The following FASTKD1 variants were observed in gnomAD, a reference collection of about 807,000 sequenced individuals.
FASTKD1 encodes FAST kinase domain-containing protein 1, mitochondrial.
In FASTKD1, 94 loss-of-function variants were observed where a neutral mutation model predicts 90.9. The observed-to-expected ratio is 1.03, with a 90% CI of 0.88 to 1.23. The LOEUF is 1.23. Among genes scored for constraint, FASTKD1 ranks in the 50% most tolerant of loss-of-function variants. The probability of loss-of-function intolerance (pLI) is 0.00; values close to 1 mark genes in which losing one functional copy is unlikely to be tolerated. For synonymous variants in FASTKD1, 319 were observed against 345.8 expected (o/e 0.92, Z 0.86); for missense variants, 945 against 993.5 (o/e 0.95, Z 0.66).
At chr2:169,565,712 G>A (rs946126003) in intron 3 of FASTKD1, among the ~76,000 whole-genome samples, 2 of 152,188 alleles carry the variant, frequency 1.3e-5, no homozygotes, top group Admixed American at 1.3e-4. Flanking sequence ...CCCAGGCAGT[G>A]GGATTACTGG....
At chr2:169,571,320 T>G (rs1234533353) in intron 2 of FASTKD1, 1 of 159,526 alleles carries the variant, frequency 6.3e-6, no homozygotes, top group African/African-American at 2.4e-5. Context: ...TCCCAGCATT[T>G]TGGGAGGCCG....
intron 13 of FASTKD1, chr2:169,530,971 G>C (rs1393088334): frequency 1.5e-6 from 1 of 675,762 alleles, no homozygotes; most frequent in Admixed American, 1.8e-5. Context: ...ACCACTGTGA[G>C]GGGTACAAAT....
At chr2:169,569,287 C>T (rs1684131667) in intron 2 of FASTKD1, 35 bp from the exon 3 acceptor site, 1 of 1,582,128 alleles carries the variant, frequency 6.3e-7, no homozygotes, top group Non-Finnish European at 8.7e-7. Flanking sequence ...CATACATAAT[C>T]ATTTTAAAAT....
intron 13 of FASTKD1, 149 bp from the exon 14 acceptor site, chr2:169,530,850 T>A (rs1417178374): frequency 1.2e-5 from 8 of 646,926 alleles, no homozygotes; most frequent in Non-Finnish European, 2.2e-5. Context: ...TACTAAGAAA[T>A]TAGTAATTGA....
At chr2:169,556,523 G>A (rs1317923320) in intron 6 of FASTKD1, among the ~76,000 whole-genome samples, 1 of 151,580 alleles carries the variant, frequency 6.6e-6, no homozygotes, top group East Asian at 1.9e-4. Context: ...GAGGTCAGGA[G>A]TTCAAGACCA....
chr2:169,556,707 C>G (rs928500265), intron 6 of FASTKD1, among the ~76,000 whole-genome samples: 1 of 152,048 alleles, frequency 6.6e-6, no homozygotes, highest in Non-Finnish European at 1.5e-5. Flanking sequence ...CGCCTGTAAT[C>G]CGGGCTACTC....
chr2:169,532,015 T>G (rs150784177), intron 12 of FASTKD1, among the ~76,000 whole-genome samples: 5 of 152,252 alleles, frequency 3.3e-5, no homozygotes, highest in African/African-American at 9.6e-5. Context: ...ATTTAGGCAA[T>G]GAGTGATCAT....
At chr2:169,553,586 A>G (rs966921741) in intron 7 of FASTKD1, among the ~76,000 whole-genome samples, 1 of 152,212 alleles carries the variant, frequency 6.6e-6, no homozygotes, top group African/African-American at 2.4e-5. Context: ...TATAATAAAA[A>G]TCATTTTCAA....
intron 12 of FASTKD1, among the ~76,000 whole-genome samples, chr2:169,532,460 C>T (rs1684533992): frequency 6.6e-6 from 1 of 150,750 alleles, no homozygotes; most frequent in African/African-American, 2.4e-5. Context: ...TGTGTGCCTC[C>T]TGAGAGGATG....
chr2:169,536,705 A>G lies in FASTKD1; in HGVS notation c.2188+522T>C, dbSNP rs910542286. ...TATTGCCATCAACGTAAGCTAGTCCACCAGCTTTATGTGATCCACAATTCA... is the reference window on the plus strand; with the variant it reads ...TATTGCCATCAACGTAAGCTAGTCCGCCAGCTTTATGTGATCCACAATTCA... On this transcript the variant is annotated intron_variant, in intron 12 of 14. Coordinates refer to ENST00000453153, the MANE Select transcript of FASTKD1 (RefSeq NM_024622.6). 5.3e-5 allele frequency among the ~76,000 whole-genome samples: 8 copies of G among 152,206 alleles called. No individual in the cohort carries two copies. In the East Asian group the frequency reaches 1.5e-3, roughly 29 times the overall value.
chr2:169,546,655 C>T lies in FASTKD1; in HGVS notation c.1264G>A (p.Ala422Thr), dbSNP rs1202856704. ...TGAGGAGAAGGGAGCAGGGAAATAGCACGGACCAGAACAGACACCTCAGTT... is the reference window on the plus strand; with the variant it reads ...TGAGGAGAAGGGAGCAGGGAAATAGTACGGACCAGAACAGACACCTCAGTT... ...IPTEVSVLVR[A>T]ISLLPSPHLD... Residue 422 changes from alanine (A) to threonine (T), a missense_variant, in exon 8 of 15, where the codon GCT becomes ACT. By Grantham distance (58) the Ala-to-Thr change is moderately conservative (BLOSUM62 0). Coordinates refer to ENST00000453153, the MANE Select transcript of FASTKD1 (RefSeq NM_024622.6). 6.2e-7 allele frequency: 1 copy of T among 1,613,978 alleles called. No individual in the cohort carries two copies. Among genetic ancestry groups the T allele is most frequent in the Non-Finnish European group, 8.5e-7 (1 of 1,180,012 alleles).
intron 5 of FASTKD1, among the ~76,000 whole-genome samples, chr2:169,558,422 A>G (rs1683425345): frequency 2.7e-5 from 4 of 150,034 alleles, no homozygotes; most frequent in Admixed American, 2.0e-4. Flanking sequence ...TGCACCTGCC[A>G]TCACTCCCGG....
At chr2:169,531,245 T>G in intron 13 of FASTKD1, 107 bp downstream of exon 13, 2 of 1,157,560 alleles carry the variant, frequency 1.7e-6, no homozygotes, top group Non-Finnish European at 2.6e-6. Context: ...GCATGACATA[T>G]GAGGAACAGA....
chr2:169,570,727 G>T (rs1684198045), intron 2 of FASTKD1, among the ~76,000 whole-genome samples: 1 of 148,034 alleles, frequency 6.8e-6, no homozygotes, highest in Non-Finnish European at 1.5e-5. Flanking sequence ...CCAGAATGGA[G>T]TAGAGTAGCA....
At position 169,546,392 on chromosome 2, in the gene FASTKD1, T is replaced by G; in HGVS notation, c.1527A>C (p.Gly509=). The G allele has an allele frequency of 1.9e-6, 3 of 1,614,180 alleles. No individual in the cohort carries two copies. Among genetic ancestry groups the G allele is most frequent in the Non-Finnish European group, 2.5e-6 (3 of 1,180,032 alleles). ...LLRKELKSLK[G]NTFPESLLEE... ...CAAGAAGTGACTCAGGAAACGTGTT[T>G]CCTTTGAGAGATTTAAGTTCCTTCC... The change falls in exon 8 of 15, where the codon GGA becomes GGC. Residue 509 remains glycine, a synonymous_variant. Coordinates refer to ENST00000453153, the MANE Select transcript of FASTKD1 (RefSeq NM_024622.6).
intron 4 of FASTKD1, among the ~76,000 whole-genome samples, chr2:169,562,817 C>G (rs1306080681): frequency 1.3e-5 from 2 of 152,066 alleles, no homozygotes; most frequent in African/African-American, 4.8e-5. Context: ...GGATCACAAC[C>G]CATTATGGGA....
rs1683708340 is a variant in FASTKD1 at position 169,562,068 on chromosome 2, GTAAAATAATTA to G, written c.572+1146_572+1156del. ...TAAATTAATTATTTATTAATTTATT[GTAAAATAATTA>G]TTTATTAATTTATTGTAAAATAATT... is the stretch of plus-strand genomic sequence containing the variant. On this transcript the variant is annotated intron_variant, in intron 4 of 14. Transcript: ENST00000453153. Among the ~76,000 whole-genome samples the G allele has an allele frequency of 1.7e-5, 2 of 115,640 alleles. 1 individual carries two copies. Among genetic ancestry groups the G allele is most frequent in the Non-Finnish European group, 3.5e-5 (2 of 56,624 alleles). The allele number at this position is 115,640 out of a possible 152,430, so 75.9% of individuals were successfully genotyped here. A position where few individuals can be genotyped will look rare whatever the true frequency, so the allele number is the denominator to read the frequency against.
In FASTKD1 at chr2:169,546,623, G is replaced by A. The variant is rs768549631; in HGVS notation, c.1296C>T (p.Asp432=). ...CTTCAATTCGGGATATCCCCACTTC[G>A]TCCAAGTGAGGAGAAGGGAGCAGGG... ...AISLLPSPHL[D]EVGISRIEAV... Residue 432 remains aspartate, a synonymous_variant, in exon 8 of 15, where the codon GAC becomes GAT. Transcript: ENST00000453153. 31 of 1,614,080 alleles carry A rather than the reference G, an allele frequency of 1.9e-5. 1 individual carries two copies. The highest frequency in any genetic ancestry group is 1.9e-4 in the South Asian group (17 of 91,082).
chr2:169,538,523 A>G (rs1559140406), intron 10 of FASTKD1, among the ~76,000 whole-genome samples: 1 of 152,008 alleles, frequency 6.6e-6, no homozygotes, highest in East Asian at 1.9e-4. Flanking sequence ...CTAAAGGTAC[A>G]AAATTAGCCA....
Sources: allele counts gnomAD v4.1 joint callset (sites outside exome capture counted in the v4.1 genomes callset), GRCh38; gene constraint gnomAD v4.1.1; transcripts MANE v1.5; gene names NCBI Gene and HGNC (gene_info 2026-07-23, HGNC 2026-07-21).